Variants in KRT76 observed in about 807,000 individuals in gnomAD.
KRT76 encodes the protein keratin, type II cytoskeletal 2 oral.
In KRT76, 47 loss-of-function variants were observed where a neutral mutation model predicts 44.9. The observed-to-expected ratio is 1.05, with a 90% confidence interval of 0.83 to 1.33. The LOEUF (loss-of-function observed/expected upper bound fraction) is 1.33. Ranked by LOEUF, KRT76 falls within the 40% of genes most tolerant of loss-of-function variation. The pLI, the probability that KRT76 is intolerant of heterozygous loss-of-function variation, is 0.00. For missense variants in KRT76, 860 were observed against 775.8 expected, an observed-to-expected ratio of 1.11 and a Z score of -1.29; for synonymous variants, 331 against 294.1, an observed-to-expected ratio of 1.13 and a Z score of -1.28.
intron 2 of KRT76, among the ~76,000 whole-genome samples, chr12:52,774,953 C>T (rs1205409742): frequency 6.6e-6 from 1 of 152,196 alleles, no homozygotes; most frequent in Non-Finnish European, 1.5e-5. Flanking sequence ...AAGTGCAGCC[C>T]TGGACCTCTG....
intron 2 of KRT76, among the ~76,000 whole-genome samples, chr12:52,774,138 A>T (rs1939227311): frequency 6.6e-6 from 1 of 152,164 alleles, no homozygotes; most frequent in Admixed American, 6.5e-5. Context: ...ATAATTTTGT[A>T]ACTAGGTTCC....
At chr12:52,772,347 G>T in intron 4 of KRT76, 89 bp from the exon 5 acceptor site, 1 of 1,278,674 alleles carries the variant, frequency 7.8e-7, no homozygotes, top group Non-Finnish European at 1.1e-6. Flanking sequence ...CCAAGGATGG[G>T]GCTAGAGGTG....
In KRT76 at chr12:52,768,187, G is replaced by T. The variant is rs1939118736; in HGVS notation, c.*526C>A. 1.3e-5 allele frequency: 2 copies of T among 153,398 alleles called. No homozygotes were observed. The highest frequency in any genetic ancestry group is 2.9e-5 in the Non-Finnish European group (2 of 68,632). 9.5% of individuals were successfully genotyped at this position (153,398 alleles called of 1,614,324 possible). A position where few individuals can be genotyped will look rare whatever the true frequency, so the allele number is the denominator to read the frequency against. On this transcript the variant is annotated 3_prime_UTR_variant, in exon 9 of 9. Coordinates refer to ENST00000332411, the MANE Select transcript of KRT76 (RefSeq NM_015848.4). ...CAGTGCAATTTATTGAGAAAAGAAAGTGCAACATACTCATCACCAGAGGAT... is the reference window on the plus strand; with the variant it reads ...CAGTGCAATTTATTGAGAAAAGAAATTGCAACATACTCATCACCAGAGGAT...
At position 52,772,925 on chromosome 12, in the gene KRT76, C is replaced by T. The variant is rs769320072; in HGVS notation, c.877-47G>A. The T allele has an allele frequency of 1.5e-5, 21 of 1,369,990 alleles. No homozygotes were observed. The Admixed American group carries it at 3.4e-4, about 22-fold the overall frequency. The allele number at this position is 1,369,990 out of a possible 1,614,324, so 84.9% of individuals were successfully genotyped here. ...CAGAGAATGACCCTCTGTTCCCCTC[C>T]CACCCAGTGGCTCTTTCCTAAGCCC... On this transcript the variant is annotated intron_variant, in intron 3 of 8. Coordinates refer to ENST00000332411, the MANE Select transcript of KRT76 (RefSeq NM_015848.4).
intron 5 of KRT76, 33 bp downstream of exon 5, chr12:52,772,061 A>C: frequency 1.2e-6 from 2 of 1,607,026 alleles, no homozygotes; most frequent in Non-Finnish European, 8.5e-7. Context: ...AATGAAGGTC[A>C]TCAGGATCCA....
rs911547745 is a variant in KRT76 at position 52,777,170 on chromosome 12, C to A, written c.122G>T (p.Gly41Val). 2 of 1,614,138 alleles carry A rather than the reference C, an allele frequency of 1.2e-6. No individual in the cohort carries two copies. Among genetic ancestry groups the A allele is most frequent in the Non-Finnish European group, 1.7e-6 (2 of 1,180,056 alleles). The change falls in exon 1 of 9, where the codon GGA (glycine) becomes GTA (valine). Residue 41 changes from glycine to valine, a missense_variant. Physicochemically the swap from Gly to Val is moderately radical, Grantham distance 109. Coordinates refer to ENST00000332411, the MANE Select transcript of KRT76 (RefSeq NM_015848.4). ...SCVARSGGAG[G>V]GACGFRSGAG... ...TCCGCTCCTGAAGCCACAGGCCCCT[C>A]CACCAGCTCCCCCAGAGCGGGCCAC...
chr12:52,773,021 A>AG (rs1456480525), intron 3 of KRT76, 143 bp from the exon 4 acceptor site: 1 of 610,264 alleles, frequency 1.6e-6, no homozygotes, highest in Non-Finnish European at 2.9e-6. Flanking sequence ...TTTTAAAATA[A>AG]GGAAGATCAA....
rs1170955517 is a variant in KRT76, at chr12:52,768,424, G to T, written c.*289C>A. 8.0e-6 allele frequency: 3 copies of T among 373,230 alleles called. No individual in the cohort carries two copies. The highest frequency in any genetic ancestry group is 9.8e-6 in the Non-Finnish European group (2 of 203,886). 23.1% of individuals were successfully genotyped at this position (373,230 alleles called of 1,614,324 possible). A position where few individuals can be genotyped will look rare whatever the true frequency, so the allele number is the denominator to read the frequency against. ...GGGAGATGGGCCAGAGTGGGAACAG[G>T]CCAGGCTGTGAAGGCCAAAACTGGC... is the stretch of plus-strand genomic sequence containing the variant. On this transcript the variant is annotated 3_prime_UTR_variant, in exon 9 of 9. Coordinates refer to ENST00000332411, the MANE Select transcript of KRT76 (RefSeq NM_015848.4).
intron 2 of KRT76, 34 bp downstream of exon 2, chr12:52,775,354 C>A: frequency 6.2e-7 from 1 of 1,601,318 alleles, no homozygotes; most frequent in South Asian, 1.1e-5. Context: ...TGCTAATTCC[C>A]CAGAAGGGGA....
In KRT76 at chr12:52,777,161, C is replaced by T; in HGVS notation, c.131G>A (p.Cys44Tyr). Residue 44 changes from cysteine to tyrosine, a missense_variant, in exon 1 of 9, where the codon TGT becomes TAT. By Grantham distance (194) the Cys-to-Tyr change is radical (BLOSUM62 -2). Coordinates refer to ENST00000332411, the MANE Select transcript of KRT76 (RefSeq NM_015848.4). Reference sequence around the variant, plus strand: ...GCTGCCTGCTCCGCTCCTGAAGCCACAGGCCCCTCCACCAGCTCCCCCAGA... The same window carrying T: ...GCTGCCTGCTCCGCTCCTGAAGCCATAGGCCCCTCCACCAGCTCCCCCAGA... ...ARSGGAGGGA[C>Y]GFRSGAGSFG... 3.1e-6 allele frequency: 5 copies of T among 1,614,264 alleles called. No individual in the cohort carries two copies. The highest frequency in any genetic ancestry group is 4.2e-6 in the Non-Finnish European group (5 of 1,180,050).
chr12:52,775,454 C>T lies in KRT76; in HGVS notation c.749G>A (p.Gly250Glu). Residue 250 changes from glycine (G) to glutamate (E), a missense_variant, in exon 2 of 9, where the codon GGG (glycine) becomes GAG (glutamate). Gly to Glu is a moderately conservative substitution (Grantham distance 98). Transcript: ENST00000332411. ...CTCTCCCTCCAGGTTCCCCCTCTCC[C>T]CTAGAAGTGAATCTAGCTGCTTGCA... ...FLCKQLDSLL[G>E]ERGNLEGELK... 1 of 1,614,212 alleles carries T rather than the reference C, an allele frequency of 6.2e-7. No homozygotes were observed. The highest frequency in any genetic ancestry group is 8.5e-7 in the Non-Finnish European group (1 of 1,180,040).
At position 52,776,955 on chromosome 12, in the gene KRT76, C is replaced by G. The variant is rs1237389986; in HGVS notation, c.337G>C (p.Gly113Arg). ...GGGFGGGRGVGSGFGGAGGFG... is the reference protein window; with the variant it reads ...GGGFGGGRGVRSGFGGAGGFG... Reference sequence around the variant, plus strand: ...CCACCAGCCCCTCCAAAACCACTACCTACTCCTCTGCCACCACCAAAGCCA... The same window carrying G: ...CCACCAGCCCCTCCAAAACCACTACGTACTCCTCTGCCACCACCAAAGCCA... Residue 113 changes from glycine to arginine, a missense_variant, in exon 1 of 9, where the codon GGT (glycine) becomes CGT (arginine). By Grantham distance (125) the Gly-to-Arg change is moderately radical. Coordinates refer to ENST00000332411, the MANE Select transcript of KRT76 (RefSeq NM_015848.4). 3.0e-5 allele frequency: 48 copies of G among 1,613,854 alleles called. No individual in the cohort carries two copies. The highest frequency in any genetic ancestry group is 4.1e-5 in the Non-Finnish European group (48 of 1,179,888).
chr12:52,772,353 A>G (rs1173694865), intron 4 of KRT76, 95 bp from the exon 5 acceptor site: 26 of 1,240,788 alleles, frequency 2.1e-5, no homozygotes, highest in Non-Finnish European at 2.8e-5. Flanking sequence ...ATGGGGCTAG[A>G]GGTGGATCAG....
At chr12:52,769,204 T>A (rs1939142011) in intron 8 of KRT76, 94 bp from the exon 9 acceptor site, 1 of 619,540 alleles carries the variant, frequency 1.6e-6, no homozygotes, top group African/African-American at 1.8e-5. Context: ...GCCATGTGAC[T>A]TCGAGAAAGA....
intron 6 of KRT76, among the ~76,000 whole-genome samples, chr12:52,771,490 T>C (rs1939180988): frequency 6.6e-6 from 1 of 152,212 alleles, no homozygotes; most frequent in African/African-American, 2.4e-5. Context: ...CTAATCTTTT[T>C]TGCAAGACTG....
Position 52,772,184 on chromosome 12 carries a change from G to A in KRT76, c.1047C>T (p.Asp349=), listed in dbSNP as rs762471932. 2 of 1,613,636 alleles carry A rather than the reference G, an allele frequency of 1.2e-6. No homozygotes were observed. Among genetic ancestry groups the A allele is most frequent in the Non-Finnish European group, 1.7e-6 (2 of 1,179,734 alleles). The change falls in exon 5 of 9, where the codon GAC becomes GAT. Residue 349 remains aspartate (D), a synonymous_variant. Coordinates refer to ENST00000332411, the MANE Select transcript of KRT76 (RefSeq NM_015848.4). ...VLSMDNNRCL[D]LGSIIAEVRA... ...GGACCTCGGCAATGATGCTGCCCAG[G>A]TCCAGGCAGCGGTTGTTGTCCATGG... is the stretch of plus-strand genomic sequence containing the variant.
intron 2 of KRT76, among the ~76,000 whole-genome samples, 161 bp from the exon 3 acceptor site, chr12:52,773,803 C>T (rs1939222197): frequency 6.6e-6 from 1 of 151,256 alleles, no homozygotes; most frequent in South Asian, 2.1e-4. Context: ...ACACTTAGCT[C>T]AATGCTGGCA....
In KRT76 at chr12:52,768,924, C is replaced by T. The variant is rs760405795; in HGVS notation, c.1706G>A (p.Gly569Asp). ...CTGGTAGCTCCCGCTGCTACCCCTG[C>T]CCCCAGTGCTGCCACTGCTGACCCC... ...YGGVSSGSTG[G>D]RGSSGSYQSS... The change falls in exon 9 of 9, where the codon GGC (glycine) becomes GAC (aspartate). Residue 569 changes from glycine to aspartate, a missense_variant. By Grantham distance (94) the Gly-to-Asp change is moderately conservative. Coordinates refer to ENST00000332411, the MANE Select transcript of KRT76 (RefSeq NM_015848.4). 5.1e-6 allele frequency: 8 copies of T among 1,575,004 alleles called. No individual in the cohort carries two copies. The African/African-American group carries it at 1.1e-4, about 21-fold the overall frequency.
rs753515485 is a variant in KRT76, at chr12:52,771,049, C to T, written c.1434G>A (p.Leu478=). ...TGCGGTAGGTGGCAATCTCCACATC[C>T]AGGGCCAGCTTGACGTTCATCAGCT... is the stretch of plus-strand genomic sequence containing the variant. ...YQELMNVKLA[L]DVEIATYRKL... The change falls in exon 7 of 9, where the codon CTG becomes CTA. Residue 478 remains leucine, a synonymous_variant. Transcript: ENST00000332411. 1.9e-6 allele frequency: 3 copies of T among 1,614,032 alleles called. No individual in the cohort carries two copies. In the African/African-American group the frequency reaches 4.0e-5, roughly 22 times the overall value.
Sources: gnomAD v4.1 joint callset for allele counts (sites outside exome capture counted in the v4.1 genomes callset) on GRCh38, gnomAD v4.1.1 for gene constraint, MANE v1.5 for transcripts, NCBI Gene and HGNC (gene_info 2026-07-23, HGNC 2026-07-21) for gene names.